CFAP92: variants seen among roughly 807,000 people sequenced by gnomAD.
The protein encoded by CFAP92 is uncharacterized protein CFAP92.
In CFAP92, 86 loss-of-function variants were observed where a neutral mutation model predicts 106.3. The observed-to-expected ratio is 0.81, with a 90% CI of 0.68 to 0.97. The LOEUF is 0.97. Ranked by LOEUF, CFAP92 falls within the 50% of genes least tolerant of loss-of-function variation. The pLI is 0.00. For missense variants in CFAP92, 1,204 were observed against 1,283.8 expected, an observed-to-expected ratio of 0.94 and a Z score of 0.95; for synonymous variants, 477 against 506.4, an observed-to-expected ratio of 0.94 and a Z score of 0.78.
rs1236255084 is a variant in CFAP92 at position 128,954,979 on chromosome 3, C to T, written c.1354-9004G>A. 9.3e-5 allele frequency among the ~76,000 whole-genome samples: 4 copies of T among 43,042 alleles called. 1 individual carries two copies. The highest frequency in any genetic ancestry group is 1.5e-4 in the Non-Finnish European group (4 of 27,236). The allele number at this position is 43,042 out of a possible 152,430, so 28.2% of individuals were successfully genotyped here. A position where few individuals can be genotyped will look rare whatever the true frequency, so the allele number is the denominator to read the frequency against. ...GGGAGGGAGGTGGGGCGGTCAGCCC[C>T]CCTGCCCGGCCAGCCGCCCCGTCCG... On this transcript the variant is annotated intron_variant, in intron 9 of 15. Transcript: ENST00000645291.
At chr3:128,952,406 TAC>T (rs1406075782) in intron 9 of CFAP92, among the ~76,000 whole-genome samples, 2 of 152,106 alleles carry the variant, frequency 1.3e-5, no homozygotes, top group African/African-American at 4.8e-5. Flanking sequence ...TCAAATAAGA[TAC>T]AGTCTCATAA....
chr3:128,967,333 C>T (rs1295480134), intron 8 of CFAP92: 2 of 152,312 alleles, frequency 1.3e-5, no homozygotes, highest in East Asian at 1.9e-4. Context: ...TCCTCTTTAA[C>T]AAAGCTGATT....
intron 10 of CFAP92, among the ~76,000 whole-genome samples, chr3:128,942,224 A>G (rs1351440591): frequency 2.0e-5 from 3 of 152,238 alleles, no homozygotes; most frequent in African/African-American, 7.2e-5. Context: ...AATACAGACT[A>G]AAATCCGCCA....
chr3:129,009,332 G>A, the CFAP92 span, among the ~76,000 whole-genome samples: 2 of 152,186 alleles, frequency 1.3e-5, no homozygotes, highest in Non-Finnish European at 1.5e-5. Flanking sequence ...AGGTACTCAC[G>A]TAGTGTTACC....
upstream of CFAP92, among the ~76,000 whole-genome samples, chr3:128,995,271 C>T (rs1944437350): frequency 6.6e-6 from 1 of 152,186 alleles, no homozygotes. Context: ...ATGGGACAGC[C>T]CCTTTAATAC....
At chr3:128,977,995 C>T in intron 5 of CFAP92, 50 bp downstream of exon 5, 1 of 1,609,394 alleles carries the variant, frequency 6.2e-7, no homozygotes, top group Non-Finnish European at 8.5e-7. Context: ...AACCGCTTTC[C>T]CTGCCATCGC....
At chr3:128,911,766 G>A (rs572865723) in intron 15 of CFAP92, among the ~76,000 whole-genome samples, 10 of 152,340 alleles carry the variant, frequency 6.6e-5, no homozygotes, top group East Asian at 1.9e-4. Context: ...GAAGCTGCCC[G>A]GGGAAGGCTC....
the CFAP92 span, among the ~76,000 whole-genome samples, chr3:129,010,447 G>T: frequency 6.6e-6 from 1 of 151,874 alleles, no homozygotes; most frequent in African/African-American, 2.4e-5. This position sits in a 1 kb window ranked among gnomAD's most constrained non-coding sequence, Gnocchi z 4.3. Flanking sequence ...GGGAGGAGAG[G>T]CCTGGCGGCC....
intron 10 of CFAP92, among the ~76,000 whole-genome samples, chr3:128,944,396 G>A (rs1449539709): frequency 6.6e-6 from 1 of 152,182 alleles, no homozygotes; most frequent in Non-Finnish European, 1.5e-5. Flanking sequence ...GTCTCCCAGA[G>A]GTGCAATCCC....
intron 13 of CFAP92, 136 bp from the exon 14 acceptor site, chr3:128,915,699 C>T (rs990834467): frequency 7.7e-6 from 5 of 649,890 alleles, no homozygotes; most frequent in African/African-American, 3.6e-5. Context: ...GAGGAAATGA[C>T]TGTGCAGTAG....
chr3:129,024,525 C>T, the CFAP92 span, among the ~76,000 whole-genome samples: 23 of 148,498 alleles, frequency 1.5e-4, 1 homozygote, highest in African/African-American at 5.0e-4. Flanking sequence ...AGCAAGACTC[C>T]GTCGCAAAAA....
At chr3:128,979,968 ATAT>A (rs2107798151) in intron 4 of CFAP92, among the ~76,000 whole-genome samples, 2 of 146,232 alleles carry the variant, frequency 1.4e-5, no homozygotes, top group African/African-American at 2.5e-5. Flanking sequence ...ATATATATAT[ATAT>A]AAAAGAAAAA....
intron 3 of CFAP92, 29 bp downstream of exon 3, chr3:128,988,699 C>T: frequency 6.2e-7 from 1 of 1,608,882 alleles, no homozygotes; most frequent in Non-Finnish European, 8.5e-7. Context: ...TCAGACCATA[C>T]ACAAGGCCAC....
intron 9 of CFAP92, among the ~76,000 whole-genome samples, chr3:128,954,866 TG>T (rs1312517771): frequency 4.3e-4 from 2 of 4,618 alleles, no homozygotes; most frequent in African/African-American, 5.9e-3. Flanking sequence ...GGGAGGGAGG[TG>T]GGGGGGTCGG....
Position 128,946,767 on chromosome 3 carries a change from T to A in CFAP92, c.1354-792A>T, listed in dbSNP as rs1576472183. 2.0e-5 allele frequency among the ~76,000 whole-genome samples: 3 copies of A among 152,176 alleles called. No homozygotes were observed. The East Asian group carries it at 5.8e-4, about 29-fold the overall frequency. On this transcript the variant is annotated intron_variant, in intron 9 of 15. Transcript: ENST00000645291. ...AGAATTCCCATCAAGAAAGTTCCAT[T>A]GAACACGAGATCATGGTAAAAATCA...
In CFAP92 at chr3:128,977,067, C is replaced by A. The variant is rs756954032; in HGVS notation, c.809-1G>T. The A allele has an allele frequency of 6.2e-7, 1 of 1,612,944 alleles. No individual in the cohort carries two copies. The highest frequency in any genetic ancestry group is 8.5e-7 in the Non-Finnish European group (1 of 1,179,172). ...GTTTCGGGCTCTGCTTGGTGAGAAC[C>A]TGAAAACAGTAGCAAATATTTCCAA... On this transcript the variant is annotated splice_acceptor_variant, in intron 5 of 15. Transcript: ENST00000645291. LOFTEE classifies it high-confidence loss of function.
intron 10 of CFAP92, among the ~76,000 whole-genome samples, chr3:128,935,909 GA>G (rs926138455): frequency 6.6e-5 from 10 of 151,858 alleles, no homozygotes; most frequent in East Asian, 1.9e-4. Context: ...TAAAAGGATA[GA>G]AAAAAAACAA....
chr3:128,957,122 A>G (rs998328995), intron 9 of CFAP92, among the ~76,000 whole-genome samples: 57 of 152,220 alleles, frequency 3.7e-4, no homozygotes, highest in African/African-American at 1.4e-3. Context: ...GATTTATCCT[A>G]GAAGAAAGGC....
intron 7 of CFAP92, among the ~76,000 whole-genome samples, chr3:128,975,419 A>T (rs1943080477): frequency 1.4e-5 from 2 of 147,274 alleles, no homozygotes. Context: ...ATGGAGATGG[A>T]TGGATAGGGA....
Sources: gnomAD v4.1 joint callset for allele counts (sites outside exome capture counted in the v4.1 genomes callset) on GRCh38, gnomAD v4.1.1 for gene constraint, Gnocchi (gnomAD v3.1) non-coding constraint, MANE v1.5 for transcripts, NCBI Gene and HGNC (gene_info 2026-07-23, HGNC 2026-07-21) for gene names.